The following SUCLG2 variants were observed in gnomAD, a reference collection of about 807,000 sequenced individuals.
SUCLG2 encodes the protein succinate-CoA ligase GDP-forming subunit beta.
A neutral mutation model predicts 47.9 loss-of-function variants in SUCLG2; 42 were observed. The observed-to-expected ratio is 0.88, with a 90% CI of 0.69 to 1.14. The LOEUF (loss-of-function observed/expected upper bound fraction) is 1.14. Among genes scored for constraint, SUCLG2 ranks in the 50% most tolerant of loss-of-function variants. The pLI is 0.00. For missense variants in SUCLG2, 571 were observed against 525.9 expected, an observed-to-expected ratio of 1.09 and a Z score of -0.84; for synonymous variants, 195 against 197.3, an observed-to-expected ratio of 0.99 and a Z score of 0.10.
At chr3:67,443,350 G>C (rs1343733919) in intron 9 of SUCLG2, among the ~76,000 whole-genome samples, 1 of 56,992 alleles carries the variant, frequency 1.8e-5, no homozygotes, top group African/African-American at 6.4e-5. Flanking sequence ...CCGCGCCGGC[G>C]AGCGCCCCTC....
At chr3:67,455,340 C>T (rs1704158295) in intron 9 of SUCLG2, among the ~76,000 whole-genome samples, 1 of 152,170 alleles carries the variant, frequency 6.6e-6, no homozygotes, top group African/African-American at 2.4e-5. Context: ...TCCTCCTGCA[C>T]ATCAGGCGTT....
intron 10 of SUCLG2, among the ~76,000 whole-genome samples, chr3:67,362,379 T>C (rs1012305852): frequency 6.6e-6 from 1 of 152,214 alleles, no homozygotes; most frequent in Admixed American, 6.5e-5. Flanking sequence ...CAAAAGTAGC[T>C]TCCTTAGGCA....
intron 9 of SUCLG2, among the ~76,000 whole-genome samples, chr3:67,476,899 A>G (rs1199041597): frequency 2.6e-5 from 4 of 152,182 alleles, no homozygotes; most frequent in Admixed American, 1.3e-4. Context: ...TTCCATACTT[A>G]GCAAAACCAG....
At chr3:67,460,827 GA>G (rs1253238739) in intron 9 of SUCLG2, among the ~76,000 whole-genome samples, 1 of 152,116 alleles carries the variant, frequency 6.6e-6, no homozygotes, top group African/African-American at 2.4e-5. Flanking sequence ...ATACAGTAAA[GA>G]AGAGAGTAAA....
chr3:67,529,960 C>G (rs1418171263), intron 2 of SUCLG2, among the ~76,000 whole-genome samples: 1 of 152,140 alleles, frequency 6.6e-6, no homozygotes, highest in African/African-American at 2.4e-5. Context: ...GGGTAGCTCC[C>G]CTCCCCAACC....
At chr3:67,565,382 A>G (rs555326434) in intron 2 of SUCLG2, among the ~76,000 whole-genome samples, 81 of 152,344 alleles carry the variant, frequency 5.3e-4, no homozygotes, top group African/African-American at 1.7e-3. Flanking sequence ...GGAAATATCT[A>G]TGTGAAAAGT....
intron 1 of SUCLG2, among the ~76,000 whole-genome samples, chr3:67,617,472 T>C (rs1231586719): frequency 6.6e-6 from 1 of 152,218 alleles, no homozygotes; most frequent in Admixed American, 6.5e-5. Flanking sequence ...CACTGTTCTT[T>C]TTCCCTCCAT....
chr3:67,520,352 G>T, intron 5 of SUCLG2, 130 bp downstream of exon 5: 2 of 1,317,242 alleles, frequency 1.5e-6, no homozygotes, highest in Non-Finnish European at 1.1e-6. Context: ...AAGAAAAAGG[G>T]CTCAGCATCT....
At chr3:67,472,375 G>A (rs551063393) in intron 9 of SUCLG2, among the ~76,000 whole-genome samples, 2 of 152,312 alleles carry the variant, frequency 1.3e-5, no homozygotes, top group Non-Finnish European at 1.5e-5. Flanking sequence ...GTTAGATCTA[G>A]ATTAGGAATC....
intron 2 of SUCLG2, among the ~76,000 whole-genome samples, chr3:67,591,097 C>T (rs1257850625): frequency 2.6e-5 from 4 of 152,142 alleles, no homozygotes; most frequent in South Asian, 2.1e-4. Flanking sequence ...GATCTCTAAT[C>T]GGTTGCTGGA....
At chr3:67,557,886 G>A (rs1317267317) in intron 2 of SUCLG2, among the ~76,000 whole-genome samples, 1 of 152,194 alleles carries the variant, frequency 6.6e-6, no homozygotes, top group East Asian at 1.9e-4. Context: ...AGTGACCTTA[G>A]GCTTGCAGAA....
chr3:67,399,148 G>T (rs1447481545), intron 10 of SUCLG2, among the ~76,000 whole-genome samples: 2 of 150,646 alleles, frequency 1.3e-5, no homozygotes, highest in Non-Finnish European at 3.0e-5. Context: ...TTGTGCACAT[G>T]TACCCTAAAA....
intron 9 of SUCLG2, among the ~76,000 whole-genome samples, chr3:67,425,951 T>C (rs1243135606): frequency 6.6e-6 from 1 of 152,188 alleles, no homozygotes; most frequent in Non-Finnish European, 1.5e-5. Flanking sequence ...GATTTTAATG[T>C]ACAGTTAGAG....
intron 2 of SUCLG2, among the ~76,000 whole-genome samples, chr3:67,533,659 G>A (rs1398406819): frequency 6.6e-6 from 1 of 152,080 alleles, no homozygotes; most frequent in Non-Finnish European, 1.5e-5. Flanking sequence ...TAGAGGCCTT[G>A]GTGCCAATTT....
intron 2 of SUCLG2, among the ~76,000 whole-genome samples, chr3:67,605,163 A>G (rs1168555655): frequency 6.6e-6 from 1 of 152,228 alleles, no homozygotes; most frequent in Non-Finnish European, 1.5e-5. Context: ...CATAATTACA[A>G]GGTGAAGATC....
intron 1 of SUCLG2, among the ~76,000 whole-genome samples, chr3:67,624,344 T>C (rs1700786603): frequency 6.6e-6 from 1 of 152,208 alleles, no homozygotes; most frequent in Non-Finnish European, 1.5e-5. Flanking sequence ...GAATGATAAT[T>C]GGTGTCTGTG....
chr3:67,410,610 G>A (rs1289258129), intron 9 of SUCLG2, among the ~76,000 whole-genome samples: 1 of 151,986 alleles, frequency 6.6e-6, no homozygotes, highest in Admixed American at 6.6e-5. Context: ...GTTCTTTTTT[G>A]AGTGCTGTGT....
At chr3:67,400,085 G>T (rs1250802955) in intron 10 of SUCLG2, among the ~76,000 whole-genome samples, 1 of 152,016 alleles carries the variant, frequency 6.6e-6, no homozygotes, top group African/African-American at 2.4e-5. Context: ...TGTCTGTGAG[G>T]CCAGATTTTC....
chr3:67,626,182 C>A (rs930405714), intron 1 of SUCLG2, among the ~76,000 whole-genome samples: 1 of 151,854 alleles, frequency 6.6e-6, no homozygotes, highest in Non-Finnish European at 1.5e-5. Context: ...TTACTAGAGA[C>A]GGGGTTTCAC....
Sources: gnomAD v4.1 joint callset for allele counts (sites outside exome capture counted in the v4.1 genomes callset) on GRCh38, gnomAD v4.1.1 for gene constraint, MANE v1.5 for transcripts, NCBI Gene and HGNC (gene_info 2026-07-23, HGNC 2026-07-21) for gene names.